Variants in PHKA2 observed in about 807,000 individuals in gnomAD.
PHKA2 encodes phosphorylase kinase regulatory subunit alpha 2.
A neutral mutation model predicts 102.0 loss-of-function variants in PHKA2; 31 were observed. The observed-to-expected ratio is 0.30, with a 90% confidence interval of 0.23 to 0.41. PHKA2 has a LOEUF of 0.41. Ranked by LOEUF, PHKA2 falls within the 10% of genes least tolerant of loss-of-function variation. PHKA2 has a pLI of 1.00. For missense variants in PHKA2, 858 were observed against 1,023.1 expected (o/e 0.84, Z 2.20); for synonymous variants, 455 against 416.2 (o/e 1.09, Z -1.13).
intron 1 of PHKA2, among the ~76,000 whole-genome samples, chrX:18,980,802 G>T (rs867253294): frequency 1.8e-5 from 2 of 111,647 alleles, no homozygotes; most frequent in Admixed American, 9.5e-5. Flanking sequence ...TCAGTCTCTC[G>T]TCCCACTCGA....
At chrX:18,894,475 A>AC in intron 31 of PHKA2, 71 bp from the exon 32 acceptor site, 1 of 924,700 alleles carries the variant, frequency 1.1e-6, no homozygotes, top group Non-Finnish European at 1.5e-6. Flanking sequence ...TCACCGAGTA[A>AC]CCAAGGGTGA....
At chrX:18,915,740 C>T (rs2147884007) in intron 19 of PHKA2, among the ~76,000 whole-genome samples, 1 of 110,429 alleles carries the variant, frequency 9.1e-6, no homozygotes, top group Non-Finnish European at 1.9e-5. Context: ...AGATTTAAAA[C>T]ATGATAGCAA....
chrX:18,932,353 A>G (rs1010876904), intron 11 of PHKA2, among the ~76,000 whole-genome samples: 6 of 111,439 alleles, frequency 5.4e-5, no homozygotes, highest in African/African-American at 2.0e-4. Flanking sequence ...CTAGTCTGCA[A>G]CTTTCTCTCT....
intron 1 of PHKA2, among the ~76,000 whole-genome samples, chrX:18,956,195 G>A (rs746678317): frequency 1.8e-5 from 2 of 111,156 alleles, no homozygotes; most frequent in East Asian, 2.8e-4. Context: ...GTGGTGGTGC[G>A]CGCCTATAGT....
intron 14 of PHKA2, 133 bp from the exon 15 acceptor site, chrX:18,925,910 T>C (rs1226021909): frequency 4.0e-6 from 2 of 500,460 alleles, no homozygotes; most frequent in African/African-American, 4.7e-5. Flanking sequence ...TCTACTGCCA[T>C]CATCCTTTAA....
rs755002195 is a variant in PHKA2, at chrX:18,925,675, G to A, written c.1562C>T (p.Thr521Ile). 2.0e-5 allele frequency: 23 copies of A among 1,144,110 alleles called. No homozygotes were observed. The highest frequency in any genetic ancestry group is 2.8e-5 in the Non-Finnish European group (23 of 833,663). 94.3% of individuals were successfully genotyped at this position (1,144,110 alleles called of 1,213,427 possible). A position where few individuals can be genotyped will look rare whatever the true frequency, so the allele number is the denominator to read the frequency against. Residue 521 changes from threonine (T) to isoleucine (I), a missense_variant, in exon 15 of 33, where the codon ACA becomes ATA. Transcript: ENST00000379942. Reference protein sequence around the residue: ...YVIRNQIFTFTPQFTDQHHFY... With the variant: ...YVIRNQIFTFIPQFTDQHHFY... Reference sequence around the variant, plus strand: ...TTGGCCTGCTCTCCTCACCTGGGGTGTAAAAGTAAAGATTTGGTTCCTAAT... The same window carrying A: ...TTGGCCTGCTCTCCTCACCTGGGGTATAAAAGTAAAGATTTGGTTCCTAAT...
At chrX:18,934,626 A>C (rs2048365038) in intron 11 of PHKA2, among the ~76,000 whole-genome samples, 1 of 112,872 alleles carries the variant, frequency 8.9e-6, no homozygotes, top group Non-Finnish European at 1.9e-5. Flanking sequence ...TCAGTGATCT[A>C]ACACGTAATA....
chrX:18,916,610 C>CT (rs773542740), intron 19 of PHKA2, among the ~76,000 whole-genome samples: 1 of 111,741 alleles, frequency 8.9e-6, no homozygotes, highest in South Asian at 3.8e-4. Flanking sequence ...AGCTCTCACT[C>CT]TGAGTTCACA....
intron 1 of PHKA2, among the ~76,000 whole-genome samples, chrX:18,955,823 C>T (rs145619322): frequency 0.01 from 1,150 of 112,129 alleles, 6 homozygotes; most frequent in Non-Finnish European, 0.017. Flanking sequence ...TCTCCTCTAA[C>T]AAATCTATGC....
intron 28 of PHKA2, 64 bp downstream of exon 28, chrX:18,900,606 C>T: frequency 1.9e-6 from 2 of 1,045,004 alleles, no homozygotes; most frequent in Non-Finnish European, 2.7e-6. Context: ...GTCACAGCCT[C>T]ACTTTCCACA....
chrX:18,900,804 C>T (rs2047666369), intron 27 of PHKA2, 105 bp from the exon 28 acceptor site: 1 of 663,828 alleles, frequency 1.5e-6, no homozygotes, highest in African/African-American at 2.2e-5. Flanking sequence ...GGTCAAACCG[C>T]AGGGGGTGAC....
At chrX:18,912,289 T>C (rs2047939877) in intron 19 of PHKA2, among the ~76,000 whole-genome samples, 1 of 112,073 alleles carries the variant, frequency 8.9e-6, no homozygotes, top group African/African-American at 3.2e-5. Flanking sequence ...AATTCCTCAC[T>C]GCATGAACAG....
chrX:18,937,721 G>A (rs971751408), intron 10 of PHKA2, among the ~76,000 whole-genome samples: 2 of 112,078 alleles, frequency 1.8e-5, no homozygotes, highest in African/African-American at 6.5e-5. Flanking sequence ...AGGGGTGAAA[G>A]CAGGGATCAG....
At chrX:18,919,304 C>T (rs1264433126) in intron 18 of PHKA2, among the ~76,000 whole-genome samples, 2 of 111,587 alleles carry the variant, frequency 1.8e-5, no homozygotes, top group Admixed American at 9.6e-5. Context: ...ATGTTATATA[C>T]GTAGGGTTTC....
intron 30 of PHKA2, chrX:18,896,553 T>C (rs1271144612): frequency 8.2e-6 from 1 of 121,865 alleles, no homozygotes; most frequent in Non-Finnish European, 1.7e-5. Flanking sequence ...TCCACCTCTG[T>C]ACACCTTGGG....
At chrX:18,921,359 G>C (rs1220823035) in intron 17 of PHKA2, among the ~76,000 whole-genome samples, 1 of 111,156 alleles carries the variant, frequency 9.0e-6, no homozygotes. Context: ...CTGGGAGGTG[G>C]AGGTTGCAGT....
chrX:18,957,281 GC>G (rs1338580800), intron 1 of PHKA2, among the ~76,000 whole-genome samples: 1 of 112,182 alleles, frequency 8.9e-6, no homozygotes, highest in Admixed American at 9.5e-5. Context: ...GGACTATGCT[GC>G]CATATCTGTA....
Position 18,906,747 on chromosome X carries a change from C to T in PHKA2, c.2665G>A (p.Val889Ile), listed in dbSNP as rs199948654. The T allele has an allele frequency of 2.5e-5, 30 of 1,208,599 alleles. 1 individual carries two copies. Among genetic ancestry groups the T allele is most frequent in the Admixed American group, 1.5e-4 (7 of 45,878 alleles). ...EASGQDISIA[V>I]LTQEIVVYLA... is the part of the protein sequence containing the mutation. ...CACCAGCCCCAGACCTGCGTGAGGA[C>T]GGCAATGCTGATGTCCTGCCCACTG... Residue 889 changes from valine (V) to isoleucine (I), a missense_variant, in exon 24 of 33, where the codon GTC becomes ATC. Val to Ile is a conservative substitution (Grantham distance 29). Transcript: ENST00000379942.
chrX:18,978,867 C>T (rs1385017583), intron 1 of PHKA2, among the ~76,000 whole-genome samples: 5 of 111,473 alleles, frequency 4.5e-5, no homozygotes, highest in African/African-American at 1.6e-4. Context: ...TGGCCGGGAG[C>T]AGTAGCTCAC....
Sources: allele counts gnomAD v4.1 joint callset (sites outside exome capture counted in the v4.1 genomes callset), GRCh38; gene constraint gnomAD v4.1.1; transcripts MANE v1.5; gene names NCBI Gene and HGNC (gene_info 2026-07-23, HGNC 2026-07-21).